HBS1L: variants seen among roughly 807,000 people sequenced by gnomAD.
The protein encoded by HBS1L is HBS1-like protein.
Under a neutral mutation model 88.9 loss-of-function variants are expected in HBS1L, and 55 were observed. That is an observed-to-expected ratio of 0.62 (90% CI 0.50 to 0.77). HBS1L has a LOEUF of 0.77. Among genes scored for constraint, HBS1L ranks in the 30% least tolerant of loss-of-function variants. The pLI is 0.00. For synonymous variants in HBS1L, 267 were observed against 288.5 expected (o/e 0.93, Z 0.76); for missense variants, 741 against 829.3 (o/e 0.89, Z 1.31).
At chr6:135,042,599 A>G (rs943386396) in intron 2 of HBS1L, among the ~76,000 whole-genome samples, 36 of 152,280 alleles carry the variant, frequency 2.4e-4, no homozygotes, top group African/African-American at 8.7e-4. Flanking sequence ...ACCTGAGGTC[A>G]GGAGTTCGAG....
In HBS1L at chr6:134,997,437, C is replaced by G; in HGVS notation, c.759G>C (p.Lys253Asn). The G allele has an allele frequency of 1.2e-6, 2 of 1,614,086 alleles. No individual in the cohort carries two copies. Among genetic ancestry groups the G allele is most frequent in the Non-Finnish European group, 1.7e-6 (2 of 1,179,992 alleles). The change falls in exon 6 of 18, where the codon AAG (lysine) becomes AAC (asparagine). Residue 253 changes from lysine to asparagine, a missense_variant. By Grantham distance (94) the Lys-to-Asn change is moderately conservative. This residue lies in a region of HBS1L where 556 missense variants were observed against 598.4 expected (regional missense o/e 0.93). Transcript: ENST00000367837. ...QQIDVKAELE[K>N]RQGGKQLLNL... ...TGAGTAGCTGCTTCCCTCCTTGCCGCTTCTCCAGTTCCGCCTTCACATCTA... is the reference window on the plus strand; with the variant it reads ...TGAGTAGCTGCTTCCCTCCTTGCCGGTTCTCCAGTTCCGCCTTCACATCTA...
rs33946758 is a variant in HBS1L, at chr6:135,000,222, A to ATTTTTTTTTTTTTTTTTT, written c.539+2511_539+2512insAAAAAAAAAAAAAAAAAA. On this transcript the variant is annotated intron_variant, in intron 5 of 17. Transcript: ENST00000367837. ...AGGCAAGCACCACTATACCCAGCTA[A>ATTTTTTTTTTTTTTTTTT]TTTTTTTTTTTTTTTGGTAGAGATG... is the stretch of plus-strand genomic sequence containing the variant. Among the ~76,000 whole-genome samples the ATTTTTTTTTTTTTTTTTT allele has an allele frequency of 9.4e-4, 121 of 129,374 alleles. 5 individuals carry two copies. The highest frequency in any genetic ancestry group is 3.9e-3 in the African/African-American group (112 of 28,878). 84.9% of individuals were successfully genotyped at this position (129,374 alleles called of 152,430 possible). A position where few individuals can be genotyped will look rare whatever the true frequency, so the allele number is the denominator to read the frequency against.
At chr6:135,011,893 C>T (rs771469381) in intron 4 of HBS1L, among the ~76,000 whole-genome samples, 7 of 116,252 alleles carry the variant, frequency 6.0e-5, no homozygotes, top group Admixed American at 1.1e-4. Context: ...GTGACAAGAG[C>T]GAAACTTGTC....
intron 4 of HBS1L, among the ~76,000 whole-genome samples, chr6:135,020,448 C>T (rs73774538): frequency 0.042 from 6,433 of 151,946 alleles, 433 homozygotes; most frequent in African/African-American, 0.14. Flanking sequence ...ATGTTCAATG[C>T]ACTAGGGACA....
At chr6:135,047,063 G>A (rs73774556) in intron 2 of HBS1L, among the ~76,000 whole-genome samples, 164 of 152,180 alleles carry the variant, frequency 1.1e-3, no homozygotes, top group African/African-American at 3.8e-3. Flanking sequence ...TGGCTTCTTG[G>A]TGTGTTTGAA....
Position 134,985,424 on chromosome 6 carries a change from T to C in HBS1L, c.1424-15A>G, listed in dbSNP as rs1466086950. 2 of 1,553,946 alleles carry C rather than the reference T, an allele frequency of 1.3e-6. No homozygotes were observed. The highest frequency in any genetic ancestry group is 1.8e-6 in the Non-Finnish European group (2 of 1,139,866). On this transcript the variant is annotated splice_polypyrimidine_tract_variant and intron_variant, in intron 11 of 17. Transcript: ENST00000367837. ...CTTAAAGGAATCTGGAAAAAAGAAA[T>C]TGCAAAAGGCAAGGTTTAATTTAAA...
chr6:135,009,451 G>A (rs1775706040), intron 4 of HBS1L, among the ~76,000 whole-genome samples: 1 of 151,996 alleles, frequency 6.6e-6, no homozygotes, highest in Non-Finnish European at 1.5e-5. Flanking sequence ...AATAATATGA[G>A]AAAAGGCATA....
Position 135,054,223 on chromosome 6 carries a change from T to C in HBS1L, c.43+426A>G, listed in dbSNP as rs114229030. Among the ~76,000 whole-genome samples, 359 of 152,374 alleles carry C rather than the reference T, an allele frequency of 2.4e-3. 3 individuals carry two copies. Among genetic ancestry groups the C allele is most frequent in the African/African-American group, 6.2e-3 (256 of 41,602 alleles). ...CTAACACAGGTACACGTCCGTTGAA[T>C]GTATTAAGTCAATCTGTGTTTTACA... On this transcript the variant is annotated intron_variant, in intron 1 of 17. Transcript: ENST00000367837.
chr6:135,018,889 T>A (rs1232562368), intron 4 of HBS1L, among the ~76,000 whole-genome samples: 2 of 151,902 alleles, frequency 1.3e-5, no homozygotes, highest in Admixed American at 6.6e-5. Flanking sequence ...TATATCCCCA[T>A]CCCTGGAACT....
chr6:135,034,160 A>G (rs920840313), intron 4 of HBS1L, among the ~76,000 whole-genome samples: 4 of 152,064 alleles, frequency 2.6e-5, no homozygotes, highest in Non-Finnish European at 4.4e-5. Context: ...AAAAAAAAAG[A>G]CATAATGCCA....
intron 4 of HBS1L, among the ~76,000 whole-genome samples, chr6:135,019,642 C>T (rs997146959): frequency 1.3e-5 from 2 of 151,752 alleles, no homozygotes; most frequent in African/African-American, 4.8e-5. Flanking sequence ...TTTTCAGAAA[C>T]ATGACCTTAA....
At chr6:134,994,785 T>C (rs1276119211) in intron 7 of HBS1L, among the ~76,000 whole-genome samples, 2 of 152,100 alleles carry the variant, frequency 1.3e-5, no homozygotes, top group Non-Finnish European at 1.5e-5. Context: ...TAGGGATGCT[T>C]AACCTGTATA....
intron 8 of HBS1L, among the ~76,000 whole-genome samples, chr6:134,989,493 G>A (rs1775071671): frequency 1.3e-5 from 2 of 152,094 alleles, no homozygotes; most frequent in Non-Finnish European, 2.9e-5. Flanking sequence ...TTTCTTTGTT[G>A]CTTCCCCAAT....
At chr6:135,036,575 CT>C (rs58798278) in intron 4 of HBS1L, 51 of 1,491,124 alleles carry the variant, frequency 3.4e-5, no homozygotes, top group Admixed American at 2.1e-4. Context: ...CTAGTAAATG[CT>C]TTTTTTTGAT....
At chr6:134,979,342 C>G (rs1227110151) in intron 13 of HBS1L, 74 bp from the exon 14 acceptor site, 1 of 1,032,998 alleles carries the variant, frequency 9.7e-7, no homozygotes, top group East Asian at 2.4e-5. Context: ...CAGAGTTTGG[C>G]TGATTTGTGC....
intron 4 of HBS1L, among the ~76,000 whole-genome samples, chr6:135,004,162 A>G (rs1488736811): frequency 6.6e-6 from 1 of 152,030 alleles, no homozygotes; most frequent in Non-Finnish European, 1.5e-5. Context: ...TTTGCCTACT[A>G]TACACCAGGC....
At chr6:135,040,829 G>GTA (rs1776712176) in intron 3 of HBS1L, among the ~76,000 whole-genome samples, 1 of 152,052 alleles carries the variant, frequency 6.6e-6, no homozygotes, top group Non-Finnish European at 1.5e-5. Context: ...CTAGTACCAG[G>GTA]TAACTAGGGG....
intron 15 of HBS1L, among the ~76,000 whole-genome samples, chr6:134,973,273 T>C (rs1032242436): frequency 3.3e-5 from 5 of 152,226 alleles, no homozygotes; most frequent in Non-Finnish European, 7.3e-5. Flanking sequence ...TAAAAGGGGA[T>C]GAAATTCTGA....
chr6:134,961,948 A>G lies in HBS1L; in HGVS notation c.*3331T>C, dbSNP rs1774197833. On this transcript the variant is annotated 3_prime_UTR_variant, in exon 18 of 18. Coordinates refer to ENST00000367837, the MANE Select transcript of HBS1L (RefSeq NM_006620.4). ...AATTTTCTACCATCACCTACCCTCCAATCTTAAAGTTTTGAATTATCTCTT... is the reference window on the plus strand; with the variant it reads ...AATTTTCTACCATCACCTACCCTCCGATCTTAAAGTTTTGAATTATCTCTT... 1 of 152,018 alleles carries G rather than the reference A, an allele frequency of 6.6e-6. No individual in the cohort carries two copies. Among genetic ancestry groups the G allele is most frequent in the African/African-American group, 2.4e-5 (1 of 41,398 alleles). The allele number at this position is 152,018 out of a possible 1,614,324, so 9.4% of individuals were successfully genotyped here. A position where few individuals can be genotyped will look rare whatever the true frequency, so the allele number is the denominator to read the frequency against.
Sources: allele counts gnomAD v4.1 joint callset (sites outside exome capture counted in the v4.1 genomes callset), GRCh38; gene constraint gnomAD v4.1.1; regional missense constraint gnomAD v4.1.1; transcripts MANE v1.5; gene names NCBI Gene and HGNC (gene_info 2026-07-23, HGNC 2026-07-21).